LCA5: variants seen among roughly 807,000 people sequenced by gnomAD.
LCA5 encodes the protein lebercilin.
In LCA5, 37 loss-of-function variants were observed where a neutral mutation model predicts 53.0. The ratio of observed to expected loss-of-function variants is 0.70; its 90% CI spans 0.54 to 0.92. The LOEUF (loss-of-function observed/expected upper bound fraction) is 0.92, where lower values mean the gene tolerates loss of function less well. Ranked by LOEUF, LCA5 falls within the 40% of genes least tolerant of loss-of-function variation. LCA5 has a pLI of 0.00. For missense variants in LCA5, 806 were observed against 790.5 expected (o/e 1.02, Z -0.23); for synonymous variants, 303 against 282.9 (o/e 1.07, Z -0.71).
At chr6:79,526,810 T>C (rs1389472111) in intron 1 of LCA5, among the ~76,000 whole-genome samples, 3 of 152,158 alleles carry the variant, frequency 2.0e-5, no homozygotes, top group Admixed American at 2.0e-4. Context: ...TAGCACTCCT[T>C]AGGATTAGAA....
intron 1 of LCA5, among the ~76,000 whole-genome samples, chr6:79,520,837 A>C (rs1409342077): frequency 6.6e-6 from 1 of 152,222 alleles, no homozygotes; most frequent in Non-Finnish European, 1.5e-5. Flanking sequence ...GAAAGATGGA[A>C]AAAAGCCTGC....
intron 2 of LCA5, among the ~76,000 whole-genome samples, chr6:79,514,716 G>A (rs564315101): frequency 2.0e-4 from 31 of 152,200 alleles, no homozygotes; most frequent in Admixed American, 1.9e-3. Flanking sequence ...TTGCAGGTTC[G>A]TGAATGGAAC....
Position 79,487,409 on chromosome 6 carries a change from T to A in LCA5, c.1689A>T (p.Thr563=). The change falls in exon 8 of 8, where the codon ACA becomes ACT. Residue 563 remains threonine, a synonymous_variant. Transcript: ENST00000369846. ...GACTAAATGGATTTGACCTCTCTGATGTTTTTGCAAACGAAGGCACGTAGC... is the reference window on the plus strand; with the variant it reads ...GACTAAATGGATTTGACCTCTCTGAAGTTTTTGCAAACGAAGGCACGTAGC... ...FGSYVPSFAK[T]SERSNPFSQK... 1 of 1,613,078 alleles carries A rather than the reference T, an allele frequency of 6.2e-7. No individual in the cohort carries two copies.
At chr6:79,489,760 A>G (rs1017251005) in intron 6 of LCA5, among the ~76,000 whole-genome samples, 2 of 152,112 alleles carry the variant, frequency 1.3e-5, no homozygotes, top group Non-Finnish European at 2.9e-5. Context: ...TAAAAGTGAA[A>G]TATCTATTAT....
At chr6:79,533,208 T>C (rs937898922) in intron 1 of LCA5, among the ~76,000 whole-genome samples, 1 of 152,190 alleles carries the variant, frequency 6.6e-6, no homozygotes, top group African/African-American at 2.4e-5. Context: ...TACTATTGAA[T>C]GAATATAATT....
intron 1 of LCA5, among the ~76,000 whole-genome samples, chr6:79,535,372 GAAT>G (rs1767082633): frequency 6.6e-6 from 1 of 152,288 alleles, no homozygotes; most frequent in Middle Eastern, 3.4e-3. Context: ...GCTGGAGGAA[GAAT>G]ATCAATTGGT....
intron 1 of LCA5, among the ~76,000 whole-genome samples, chr6:79,523,855 C>T (rs996450974): frequency 2.0e-5 from 3 of 152,142 alleles, no homozygotes; most frequent in Non-Finnish European, 4.4e-5. Context: ...TATCCAATGT[C>T]CCATTATCCA....
chr6:79,491,239 T>A (rs754220106), intron 6 of LCA5, among the ~76,000 whole-genome samples: 1 of 152,044 alleles, frequency 6.6e-6, no homozygotes, highest in African/African-American at 2.4e-5. Context: ...GCACCTGAAA[T>A]AGGTGATGTA....
At chr6:79,502,959 C>T (rs1770181425) in intron 3 of LCA5, among the ~76,000 whole-genome samples, 1 of 152,110 alleles carries the variant, frequency 6.6e-6, no homozygotes, top group African/African-American at 2.4e-5. Context: ...TGGCTCATTG[C>T]AACCTCCACT....
intron 7 of LCA5, 158 bp from the exon 8 acceptor site, chr6:79,488,024 G>A (rs1769722154): frequency 1.6e-6 from 1 of 631,256 alleles, no homozygotes. Flanking sequence ...TGATATTCTG[G>A]GATTAGAGAA....
intron 3 of LCA5, among the ~76,000 whole-genome samples, chr6:79,504,901 A>G (rs777906033): frequency 3.3e-5 from 5 of 152,206 alleles, no homozygotes; most frequent in Admixed American, 6.5e-5. Flanking sequence ...AAAAAAATGT[A>G]TTGAACAATG....
At chr6:79,538,084 A>G (rs917130740), upstream of LCA5, among the ~76,000 whole-genome samples, 7 of 111,276 alleles carry the variant, frequency 6.3e-5, no homozygotes, top group Non-Finnish European at 1.2e-4. Flanking sequence ...ATGTCAGCCT[A>G]TTGAGCGCTG....
chr6:79,518,945 A>T lies in LCA5; in HGVS notation c.-51T>A. 1 of 1,533,038 alleles carries T rather than the reference A, an allele frequency of 6.5e-7. No individual in the cohort carries two copies. Among genetic ancestry groups the T allele is most frequent in the Non-Finnish European group, 9.0e-7 (1 of 1,106,036 alleles). 95.0% of individuals were successfully genotyped at this position (1,533,038 alleles called of 1,614,324 possible). ...CATAATTTCACAGATTATTTTCTCC[A>T]GAGGAGACTATGACAATACTGAAAA... is the stretch of plus-strand genomic sequence containing the variant. On this transcript the variant is annotated 5_prime_UTR_variant, in exon 2 of 8. Coordinates refer to ENST00000369846, the MANE Select transcript of LCA5 (RefSeq NM_001122769.3).
chr6:79,535,282 G>C lies in LCA5; in HGVS notation c.-192+1883C>G, dbSNP rs1413598423. ...CATTAATAAGTTGGTTGGAAACCAAGGCTCTTCAGTAGGGTTAATATTATC... is the reference window on the plus strand; with the variant it reads ...CATTAATAAGTTGGTTGGAAACCAACGCTCTTCAGTAGGGTTAATATTATC... On this transcript the variant is annotated intron_variant, in intron 1 of 7. Coordinates refer to ENST00000369846, the MANE Select transcript of LCA5 (RefSeq NM_001122769.3). Among the ~76,000 whole-genome samples, 3 of 151,966 alleles carry C rather than the reference G, an allele frequency of 2.0e-5. No individual in the cohort carries two copies. The East Asian group carries it at 5.8e-4, about 29-fold the overall frequency.
At chr6:79,527,635 G>A (rs769763501) in intron 1 of LCA5, among the ~76,000 whole-genome samples, 3 of 152,206 alleles carry the variant, frequency 2.0e-5, no homozygotes, top group Non-Finnish European at 2.9e-5. Flanking sequence ...CACGGGGTGG[G>A]TAACTCCGAG....
chr6:79,516,488 G>C (rs1766440250), intron 2 of LCA5, among the ~76,000 whole-genome samples: 1 of 151,764 alleles, frequency 6.6e-6, no homozygotes, highest in African/African-American at 2.4e-5. Flanking sequence ...TAAGAATCAG[G>C]ATAAAAATTT....
chr6:79,490,726 T>A (rs1199437989), intron 6 of LCA5, among the ~76,000 whole-genome samples: 2 of 152,088 alleles, frequency 1.3e-5, no homozygotes, highest in African/African-American at 4.8e-5. Context: ...TCAAATCAGT[T>A]CATCCTTTCT....
In LCA5 at chr6:79,493,619, T is replaced by C; in HGVS notation, c.852A>G (p.Lys284=). 6.2e-7 allele frequency: 1 copy of C among 1,612,616 alleles called. No homozygotes were observed. The highest frequency in any genetic ancestry group is 1.1e-5 in the South Asian group (1 of 91,058). Reference sequence around the variant, plus strand: ...TGCAATTTAAAATACTTACCTTTAATTTGTGATATAGTCGCTGTACCTCCT... The same window carrying C: ...TGCAATTTAAAATACTTACCTTTAACTTGTGATATAGTCGCTGTACCTCCT... ...LQKEVQRLYH[K]LKEKERELDI... Residue 284 remains lysine (K), a synonymous_variant, in exon 4 of 8, where the codon AAA becomes AAG. Coordinates refer to ENST00000369846, the MANE Select transcript of LCA5 (RefSeq NM_001122769.3).
chr6:79,537,540 G>C (rs945984613), upstream of LCA5: 1 of 152,274 alleles, frequency 6.6e-6, no homozygotes, highest in Non-Finnish European at 1.5e-5. Flanking sequence ...AAGGCGGGAC[G>C]GCGAGTGCGG....
Sources: allele counts gnomAD v4.1 joint callset (sites outside exome capture counted in the v4.1 genomes callset), GRCh38; gene constraint gnomAD v4.1.1; transcripts MANE v1.5; gene names NCBI Gene and HGNC (gene_info 2026-07-23, HGNC 2026-07-21).